Variants in OGDH observed in about 807,000 individuals in gnomAD.
The protein encoded by OGDH is oxoglutarate dehydrogenase.
A neutral mutation model predicts 116.6 loss-of-function variants in OGDH; 38 were observed. The ratio of observed to expected loss-of-function variants is 0.33; its 90% CI spans 0.25 to 0.43. OGDH has a LOEUF of 0.43. Among genes scored for constraint, OGDH ranks in the 20% least tolerant of loss-of-function variants. OGDH has a pLI of 1.00. For missense variants in OGDH, 825 were observed against 1,357.2 expected (o/e 0.61, Z 6.16); for synonymous variants, 488 against 533.3 (o/e 0.92, Z 1.17).
Position 44,682,293 on chromosome 7 carries a change from G to A in OGDH, c.1335+445G>A, listed in dbSNP as rs1000035543. The stretch of plus-strand genomic sequence containing the variant: ...CCAGCTGCTTGGAAGGCTGAGGCAG[G>A]AGAATTGCTTGAACCCGAGAGGTGA... On this transcript the variant is annotated intron_variant, in intron 10 of 22. Coordinates refer to ENST00000222673, the MANE Select transcript of OGDH (RefSeq NM_002541.4). Among the ~76,000 whole-genome samples the A allele has an allele frequency of 1.3e-4, 19 of 151,668 alleles. 1 individual carries two copies. In the South Asian group the frequency reaches 3.7e-3, roughly 30 times the overall value.
chr7:44,634,803 T>TGGAGGGTCC (rs1015989170), intron 2 of OGDH, among the ~76,000 whole-genome samples: 16 of 152,196 alleles, frequency 1.1e-4, no homozygotes, highest in African/African-American at 3.1e-4. Flanking sequence ...CCTGCATTGA[T>TGGAGGGTCC]GGAGGGTCCA....
chr7:44,684,186 A>G (rs1788039636), intron 10 of OGDH, among the ~76,000 whole-genome samples: 1 of 152,302 alleles, frequency 6.6e-6, no homozygotes, highest in East Asian at 1.9e-4. Flanking sequence ...CGTTAGTGCA[A>G]GAGAGAACTG....
chr7:44,697,503 TGCCTGGAGCCACACCACCAGG>T lies in OGDH; in HGVS notation c.2179+12_2179+32del. The T allele has an allele frequency of 6.2e-7, 1 of 1,613,774 alleles. No homozygotes were observed. The highest frequency in any genetic ancestry group is 1.1e-5 in the South Asian group (1 of 91,072). Reference sequence around the variant, plus strand: ...GTCTGAGTACGGCGTGCTGGGTGAGTGCCTGGAGCCACACCACCAGGGCCTGTCACCCACCCACCCCCGCTG... The same window carrying T: ...GTCTGAGTACGGCGTGCTGGGTGAGTGCCTGTCACCCACCCACCCCCGCTG... On this transcript the variant is annotated splice_region_variant and intron_variant, in intron 16 of 22. Coordinates refer to ENST00000222673, the MANE Select transcript of OGDH (RefSeq NM_002541.4). The surrounding 1 kb of genome is among the most constrained non-coding windows in gnomAD (Gnocchi z 6.0).
chr7:44,621,193 C>T (rs1784994515), intron 1 of OGDH, among the ~76,000 whole-genome samples: 1 of 152,160 alleles, frequency 6.6e-6, no homozygotes, highest in South Asian at 2.1e-4. Context: ...TCCACCTCAG[C>T]CTCCGGGGTA....
chr7:44,673,902 A>G lies in OGDH; in HGVS notation c.749A>G (p.Glu250Gly). Residue 250 changes from glutamate (E) to glycine (G), a missense_variant, in exon 6 of 23, where the codon GAG (glutamate) becomes GGG (glycine). Coordinates refer to ENST00000222673, the MANE Select transcript of OGDH (RefSeq NM_002541.4). ...GGGATCATGCAGTTCACAAATGAGG[A>G]GAAACGGACCCTGCTGGCCAGGCTT... The part of the protein sequence containing the change: ...TPGIMQFTNE[E>G]KRTLLARLVR... 6.2e-7 allele frequency: 1 copy of G among 1,614,244 alleles called. No homozygotes were observed. The highest frequency in any genetic ancestry group is 8.5e-7 in the Non-Finnish European group (1 of 1,180,046).
chr7:44,656,212 A>T, intron 4 of OGDH: 1 of 1,054,054 alleles, frequency 9.5e-7, no homozygotes, highest in Non-Finnish European at 1.4e-6. Flanking sequence ...GCTACCTGTT[A>T]CTGTGGTAAT....
chr7:44,655,622 G>A (rs964630116), intron 4 of OGDH, among the ~76,000 whole-genome samples: 4 of 152,224 alleles, frequency 2.6e-5, no homozygotes, highest in African/African-American at 9.7e-5. Context: ...CAGACAGTAA[G>A]GGTCAGGAGC....
chr7:44,707,417 C>G lies in OGDH; in HGVS notation c.2796+29C>G, dbSNP rs1377774757. 3.1e-6 allele frequency: 5 copies of G among 1,612,438 alleles called. No homozygotes were observed. The East Asian group carries it at 1.1e-4, about 36-fold the overall frequency. ...AGGGCAGGTGGTGCCATCAGGGTGT[C>G]CCCCCAGCGGGGGTCAGGGCTCTGG... On this transcript the variant is annotated intron_variant, in intron 21 of 22. Transcript: ENST00000222673. This position sits in a 1 kb window ranked among gnomAD's most constrained non-coding sequence, Gnocchi z 5.2.
In OGDH at chr7:44,707,347, C is replaced by T. The variant is rs538561837; in HGVS notation, c.2755C>T (p.Arg919Cys). Residue 919 changes from arginine to cysteine, a missense_variant, in exon 21 of 23, where the codon CGC (arginine) becomes TGC (cysteine). Transcript: ENST00000222673. The surrounding 1 kb of genome is among the most constrained non-coding windows in gnomAD (Gnocchi z 5.2). Reference protein sequence around the residue: ...YYDLTRERKARDMVGQVAITR... With the variant: ...YYDLTRERKACDMVGQVAITR... ...TGACCTCACCCGGGAGCGCAAAGCACGCGACATGGTGGGGCAGGTGGCCAT... is the reference window on the plus strand; with the variant it reads ...TGACCTCACCCGGGAGCGCAAAGCATGCGACATGGTGGGGCAGGTGGCCAT... 195 of 1,614,264 alleles carry T rather than the reference C, an allele frequency of 1.2e-4. 6 individuals are homozygous for T. In the South Asian group the frequency reaches 2.0e-3, roughly 17 times the overall value.
intron 1 of OGDH, among the ~76,000 whole-genome samples, chr7:44,613,456 G>A (rs1784645116): frequency 6.6e-6 from 1 of 152,116 alleles, no homozygotes. Flanking sequence ...TGCCACCCAG[G>A]TTCACGCCAT....
intron 4 of OGDH, among the ~76,000 whole-genome samples, chr7:44,651,753 T>C (rs1171491218): frequency 1.5e-5 from 2 of 135,112 alleles, no homozygotes; most frequent in Non-Finnish European, 3.0e-5. Flanking sequence ...GTAGGGACCA[T>C]GTTTCACCAT....
chr7:44,687,341 G>A (rs572582523), intron 10 of OGDH, among the ~76,000 whole-genome samples: 1 of 149,426 alleles, frequency 6.7e-6, no homozygotes, highest in African/African-American at 2.5e-5. Flanking sequence ...CAAGTGATCC[G>A]CCTGCCTTGG....
Position 44,693,949 on chromosome 7 carries a change from G to A in OGDH, c.1460G>A (p.Cys487Tyr). 6.2e-7 allele frequency: 1 copy of A among 1,614,124 alleles called. No homozygotes were observed. The highest frequency in any genetic ancestry group is 8.5e-7 in the Non-Finnish European group (1 of 1,179,964). ...SDDPEAVMYVCKVAAEWRSTF... is the reference protein window; with the variant it reads ...SDDPEAVMYVYKVAAEWRSTF... ...GACCCCGAGGCTGTCATGTACGTGT[G>A]CAAAGTGGCGGCCGAGTGGAGGAGC... Residue 487 changes from cysteine to tyrosine, a missense_variant, in exon 11 of 23, where the codon TGC becomes TAC. This residue lies in a region of OGDH where 146 missense variants were observed against 317.3 expected (regional missense o/e 0.46). Transcript: ENST00000222673.
intron 10 of OGDH, among the ~76,000 whole-genome samples, chr7:44,693,080 A>G (rs1269838305): frequency 2.6e-5 from 4 of 152,112 alleles, no homozygotes; most frequent in African/African-American, 9.7e-5. Context: ...AGGCTGAGGC[A>G]GGTGGATCAC....
In OGDH at chr7:44,694,078, T is replaced by C. The variant is rs1172157441; in HGVS notation, c.1515+74T>C. 1.4e-6 allele frequency: 2 copies of C among 1,479,528 alleles called. No individual in the cohort carries two copies. The highest frequency in any genetic ancestry group is 4.7e-5 in the East Asian group (2 of 42,142). The allele number at this position is 1,479,528 out of a possible 1,614,324, so 91.7% of individuals were successfully genotyped here. On this transcript the variant is annotated intron_variant, in intron 11 of 22. Transcript: ENST00000222673. This position sits in a 1 kb window ranked among gnomAD's most constrained non-coding sequence, Gnocchi z 4.2. ...CCCTCTTGCCCTCGGCACCCCTGTGTCCCAAGGAGAGGAGCTTGTCTAGAT... is the reference window on the plus strand; with the variant it reads ...CCCTCTTGCCCTCGGCACCCCTGTGCCCCAAGGAGAGGAGCTTGTCTAGAT...
chr7:44,623,278 C>CA (rs956264536), intron 1 of OGDH, among the ~76,000 whole-genome samples: 41 of 152,242 alleles, frequency 2.7e-4, no homozygotes, highest in African/African-American at 9.4e-4. Context: ...TGTCTTCAGG[C>CA]ACACCCACTT....
chr7:44,653,340 G>A (rs968344956), intron 4 of OGDH, among the ~76,000 whole-genome samples: 12 of 152,246 alleles, frequency 7.9e-5, no homozygotes, highest in African/African-American at 2.4e-4. Flanking sequence ...TGAGTCGCCC[G>A]TCTCGGACTC....
At chr7:44,625,087 G>T (rs1289635255) in intron 2 of OGDH, among the ~76,000 whole-genome samples, 1 of 152,020 alleles carries the variant, frequency 6.6e-6, no homozygotes, top group South Asian at 2.1e-4. Flanking sequence ...GATTACTGAT[G>T]TAAGTCATGT....
At chr7:44,693,678 A>G (rs899707946) in intron 10 of OGDH, 147 bp from the exon 11 acceptor site, 2 of 511,996 alleles carry the variant, frequency 3.9e-6, no homozygotes, top group Middle Eastern at 3.6e-4. Flanking sequence ...AAACAAAGGA[A>G]AAGAAAAAGT....
Sources: allele counts gnomAD v4.1 joint callset (sites outside exome capture counted in the v4.1 genomes callset), GRCh38; gene constraint gnomAD v4.1.1; regional missense constraint gnomAD v4.1.1; non-coding constraint Gnocchi (gnomAD v3.1); transcripts MANE v1.5; gene names NCBI Gene and HGNC (gene_info 2026-07-23, HGNC 2026-07-21).